Variants in PRR11 observed in about 807,000 individuals in gnomAD.
PRR11 encodes proline-rich protein 11.
In PRR11, 30 loss-of-function variants were observed where a neutral mutation model predicts 45.6. The observed-to-expected ratio is 0.66, with a 90% CI of 0.49 to 0.89. The LOEUF (loss-of-function observed/expected upper bound fraction) is 0.89. Among genes scored for constraint, PRR11 ranks in the 40% least tolerant of loss-of-function variants. The pLI, the probability that PRR11 is intolerant of heterozygous loss-of-function variation, is 0.00. For missense variants in PRR11, 373 were observed against 424.8 expected (o/e 0.88, Z 1.07); for synonymous variants, 128 against 153.5 (o/e 0.83, Z 1.23).
rs141855548 is a variant in PRR11, at chr17:59,186,577, A to T, written c.402+1015A>T. Among the ~76,000 whole-genome samples the T allele has an allele frequency of 3.3e-5, 5 of 149,638 alleles. No homozygotes were observed. The East Asian group carries it at 8.1e-4, about 24-fold the overall frequency. ...CCCGGCAAATTTTTTAGTTTTTTAT[A>T]GGGATGGGGGTCTCACTTTGTTGCC... On this transcript the variant is annotated intron_variant, in intron 4 of 9. Coordinates refer to ENST00000262293, the MANE Select transcript of PRR11 (RefSeq NM_018304.4).
At chr17:59,180,023 G>A in intron 2 of PRR11, 2 of 883,566 alleles carry the variant, frequency 2.3e-6, no homozygotes, top group South Asian at 3.0e-5. Context: ...TTTCTCCTTT[G>A]CTGAACCCCA....
In PRR11 at chr17:59,167,919, T is replaced by C. The variant is rs145222589; in HGVS notation, c.-5-1829T>C. On this transcript the variant is annotated intron_variant, in intron 1 of 9. Transcript: ENST00000262293. Reference sequence around the variant, plus strand: ...AGGCCTGTATCTTGTGCCAACCTCCTATCTCATCCTGTGACTAAGAATGTC... The same window carrying C: ...AGGCCTGTATCTTGTGCCAACCTCCCATCTCATCCTGTGACTAAGAATGTC... Among the ~76,000 whole-genome samples, 1,310 of 152,316 alleles carry C rather than the reference T, an allele frequency of 8.6e-3. 10 individuals carry two copies. Among genetic ancestry groups the C allele is most frequent in the Middle Eastern group, 0.027 (8 of 292 alleles).
rs1386493291 is a variant in PRR11 at position 59,169,743 on chromosome 17, T to C, written c.-5-5T>C. ...AATTAAAAATGTAAAAAAATTTCTC[T>C]GCAGAAATCATGCCCAAGTTCAAAC... On this transcript the variant is annotated splice_polypyrimidine_tract_variant and splice_region_variant and intron_variant, in intron 1 of 9. Coordinates refer to ENST00000262293, the MANE Select transcript of PRR11 (RefSeq NM_018304.4). The C allele has an allele frequency of 6.3e-7, 1 of 1,576,794 alleles. No individual in the cohort carries two copies.
chr17:59,181,544 G>A, intron 2 of PRR11: 1 of 1,200,712 alleles, frequency 8.3e-7, no homozygotes, highest in Non-Finnish European at 1.2e-6. Context: ...TGGTGCTCAG[G>A]GAGCACGAAT....
At chr17:59,197,900 G>C in intron 9 of PRR11, 111 bp downstream of exon 9, 1 of 913,424 alleles carries the variant, frequency 1.1e-6, no homozygotes, top group Non-Finnish European at 1.7e-6. Flanking sequence ...TGGGGAGATT[G>C]CTTGAGCCTA....
At chr17:59,187,235 A>C (rs1376825978) in intron 4 of PRR11, among the ~76,000 whole-genome samples, 1 of 151,994 alleles carries the variant, frequency 6.6e-6, no homozygotes, top group Non-Finnish European at 1.5e-5. Flanking sequence ...AAATAAAATA[A>C]AATAAAATAA....
chr17:59,196,581 T>A (rs936057235), intron 7 of PRR11, among the ~76,000 whole-genome samples: 1 of 152,050 alleles, frequency 6.6e-6, no homozygotes, highest in Admixed American at 6.6e-5. Context: ...TTCACTATGT[T>A]GGCCAGGGTG....
intron 1 of PRR11, among the ~76,000 whole-genome samples, chr17:59,159,457 G>A (rs2046641186): frequency 6.6e-6 from 1 of 152,080 alleles, no homozygotes; most frequent in Admixed American, 6.5e-5. Flanking sequence ...CTATAATCAG[G>A]TCCTCATCCC....
In PRR11 at chr17:59,155,746, C is replaced by T. The variant is rs1053750604; in HGVS notation, c.-65C>T. Reference sequence around the variant, plus strand: ...GACAAGGATTTAATTTTGAATTTTTCTTTATGGCGTGGGAGAGGCCACAGC... The same window carrying T: ...GACAAGGATTTAATTTTGAATTTTTTTTTATGGCGTGGGAGAGGCCACAGC... On this transcript the variant is annotated 5_prime_UTR_variant, in exon 1 of 10. Transcript: ENST00000262293. 6.1e-6 allele frequency: 1 copy of T among 163,120 alleles called. No individual in the cohort carries two copies. Among genetic ancestry groups the T allele is most frequent in the African/African-American group, 2.4e-5 (1 of 41,538 alleles). 10.1% of individuals were successfully genotyped at this position (163,120 alleles called of 1,614,324 possible). A position where few individuals can be genotyped will look rare whatever the true frequency, so the allele number is the denominator to read the frequency against.
intron 9 of PRR11, among the ~76,000 whole-genome samples, chr17:59,198,504 T>C (rs891431534): frequency 6.6e-6 from 1 of 152,080 alleles, no homozygotes; most frequent in African/African-American, 2.4e-5. Flanking sequence ...TGAAACCCCG[T>C]CTCTACCCCA....
intron 1 of PRR11, among the ~76,000 whole-genome samples, chr17:59,164,055 T>C (rs1479569044): frequency 6.6e-6 from 1 of 151,612 alleles, no homozygotes; most frequent in Non-Finnish European, 1.5e-5. Context: ...GGCGACAGAG[T>C]GAGACTCCAT....
chr17:59,168,664 T>C (rs2046691551), intron 1 of PRR11, among the ~76,000 whole-genome samples: 1 of 152,048 alleles, frequency 6.6e-6, no homozygotes, highest in Non-Finnish European at 1.5e-5. Flanking sequence ...CACTGCAGCC[T>C]GGGTGACGGA....
rs187342596 is a variant in PRR11, at chr17:59,158,504, G to A, written c.-6+2699G>A. ...GTATCTAAGAGTAAAGTATCATGAT[G>A]TCTGCAACTAAATCTATTCAATCCA... On this transcript the variant is annotated intron_variant, in intron 1 of 9. Transcript: ENST00000262293. 1.1e-4 allele frequency among the ~76,000 whole-genome samples: 17 copies of A among 152,264 alleles called. 1 individual carries two copies. The highest frequency in any genetic ancestry group is 3.9e-4 in the Admixed American group (6 of 15,294).
chr17:59,200,463 T>A (rs892387769), intron 9 of PRR11, among the ~76,000 whole-genome samples: 11 of 152,228 alleles, frequency 7.2e-5, no homozygotes, highest in East Asian at 1.9e-4. Context: ...CTTTTTTTTT[T>A]AATATATACA....
intron 9 of PRR11, among the ~76,000 whole-genome samples, chr17:59,198,296 T>C (rs555459280): frequency 3.9e-5 from 6 of 152,168 alleles, no homozygotes; most frequent in Admixed American, 2.0e-4. Flanking sequence ...TCTCAGCACT[T>C]TGGGAGGCCG....
intron 1 of PRR11, among the ~76,000 whole-genome samples, chr17:59,161,979 A>G (rs1426244787): frequency 1.3e-5 from 2 of 152,194 alleles, no homozygotes; most frequent in Non-Finnish European, 2.9e-5. Context: ...TAATGATACT[A>G]AAACAAACCT....
At chr17:59,188,942 AAATAAT>A (rs56917280) in intron 4 of PRR11, among the ~76,000 whole-genome samples, 26,450 of 144,210 alleles carry the variant, frequency 0.18, 2,480 homozygotes, top group East Asian at 0.27. Flanking sequence ...TGTGTCTCAA[AAATAAT>A]AATAATAATA....
At chr17:59,185,598 A>C in intron 4 of PRR11, 36 bp downstream of exon 4, 1 of 1,523,174 alleles carries the variant, frequency 6.6e-7, no homozygotes, top group Middle Eastern at 1.7e-4. Context: ...ATCTGGAATT[A>C]GGTAAGGAGA....
rs2046915675 is a variant in PRR11 at position 59,205,860 on chromosome 17, A to G, written c.*4229A>G. On this transcript the variant is annotated 3_prime_UTR_variant, in exon 10 of 10. Coordinates refer to ENST00000262293, the MANE Select transcript of PRR11 (RefSeq NM_018304.4). ...CAGGAGTTTGAGACCAGCCTGGCCAACATGGTGAAACCCCGTCTCTACCAA... is the reference window on the plus strand; with the variant it reads ...CAGGAGTTTGAGACCAGCCTGGCCAGCATGGTGAAACCCCGTCTCTACCAA... Among the ~76,000 whole-genome samples the G allele has an allele frequency of 6.6e-6, 1 of 150,662 alleles. No homozygotes were observed. The highest frequency in any genetic ancestry group is 1.5e-5 in the Non-Finnish European group (1 of 67,838).
Sources: gnomAD v4.1 joint callset for allele counts (sites outside exome capture counted in the v4.1 genomes callset) on GRCh38, gnomAD v4.1.1 for gene constraint, MANE v1.5 for transcripts, NCBI Gene and HGNC (gene_info 2026-07-23, HGNC 2026-07-21) for gene names.